HUNK: variants seen among roughly 807,000 people sequenced by gnomAD.
HUNK encodes hormonally up-regulated neu tumor-associated kinase.
A neutral mutation model predicts 61.0 loss-of-function variants in HUNK; 21 were observed. The ratio of observed to expected loss-of-function variants is 0.34; its 90% confidence interval spans 0.24 to 0.50. HUNK has a LOEUF of 0.50. Among genes scored for constraint, HUNK ranks in the 20% least tolerant of loss-of-function variants. The probability of loss-of-function intolerance (pLI) is 0.98; values close to 1 mark genes in which losing one functional copy is unlikely to be tolerated. For synonymous variants in HUNK, 371 were observed against 386.1 expected (o/e 0.96, Z 0.46); for missense variants, 772 against 945.7 (o/e 0.82, Z 2.41).
chr21:31,912,554 T>C (rs1256148368), intron 1 of HUNK, among the ~76,000 whole-genome samples: 1 of 152,038 alleles, frequency 6.6e-6, no homozygotes, highest in Non-Finnish European at 1.5e-5. Context: ...TTCTCTTTTT[T>C]TGTTCGAGAT....
At chr21:31,901,434 G>A (rs2052467118) in intron 1 of HUNK, among the ~76,000 whole-genome samples, 1 of 152,178 alleles carries the variant, frequency 6.6e-6, no homozygotes, top group Non-Finnish European at 1.5e-5. Flanking sequence ...TGCATTGCCA[G>A]GAGTTCTCTG....
intron 3 of HUNK, among the ~76,000 whole-genome samples, chr21:31,944,606 GGGGGAGGGTT>G (rs1284824535): frequency 6.6e-6 from 1 of 152,000 alleles, no homozygotes; most frequent in Non-Finnish European, 1.5e-5. Flanking sequence ...ATGGGGTGTG[GGGGGAGGGTT>G]GGGGAGGGAA....
intron 4 of HUNK, among the ~76,000 whole-genome samples, chr21:31,949,020 C>T (rs1230270241): frequency 1.3e-5 from 2 of 152,208 alleles, no homozygotes; most frequent in Non-Finnish European, 2.9e-5. Context: ...CACCCCTGAA[C>T]CTCAGGACAG....
intron 3 of HUNK, among the ~76,000 whole-genome samples, chr21:31,941,038 G>A (rs1336584148): frequency 6.6e-6 from 1 of 152,178 alleles, no homozygotes. Context: ...TTTGACAAAT[G>A]CTGAAAGTCA....
chr21:31,884,256 C>T (rs1161182321), intron 1 of HUNK, among the ~76,000 whole-genome samples: 1 of 151,908 alleles, frequency 6.6e-6, no homozygotes. Context: ...GGGATTAGTG[C>T]CCTTATAAAA....
intron 10 of HUNK, among the ~76,000 whole-genome samples, chr21:31,997,264 A>G (rs1252184267): frequency 6.6e-6 from 1 of 152,166 alleles, no homozygotes; most frequent in Non-Finnish European, 1.5e-5. Context: ...CAGTTTCCAA[A>G]CCTGGATTCT....
At chr21:31,902,886 C>T (rs1438933068) in intron 1 of HUNK, among the ~76,000 whole-genome samples, 1 of 152,160 alleles carries the variant, frequency 6.6e-6, no homozygotes, top group Non-Finnish European at 1.5e-5. Context: ...TAATTATAAG[C>T]TCTCACACTA....
rs2053231202 is a variant in HUNK at position 31,999,423 on chromosome 21, T to C, written c.*239T>C. On this transcript the variant is annotated 3_prime_UTR_variant, in exon 11 of 11. Transcript: ENST00000270112. The stretch of plus-strand genomic sequence containing the variant: ...CAATTCCTATCATTCAGATCTTCCT[T>C]CCTCCCAAGTACTCACCAACCCCTT... 2 of 491,514 alleles carry C rather than the reference T, an allele frequency of 4.1e-6. No individual in the cohort carries two copies. Among genetic ancestry groups the C allele is most frequent in the South Asian group, 7.4e-5 (2 of 26,878 alleles). 30.4% of individuals were successfully genotyped at this position (491,514 alleles called of 1,614,324 possible).
intron 1 of HUNK, among the ~76,000 whole-genome samples, chr21:31,889,989 A>T (rs1352744467): frequency 2.0e-5 from 3 of 152,150 alleles, no homozygotes; most frequent in Non-Finnish European, 4.4e-5. Context: ...TAAATATTTT[A>T]AAAATAATAT....
Position 31,968,322 on chromosome 21 carries a change from C to A in HUNK, c.947C>A (p.Ala316Glu), listed in dbSNP as rs755514543. Residue 316 changes from alanine (A) to glutamate (E), a missense_variant, in exon 6 of 11, where the codon GCG becomes GAG. By Grantham distance (107) the Ala-to-Glu change is moderately radical (BLOSUM62 -1). Transcript: ENST00000270112. ...AGGCCAAATATTCAGCAGGCACTGG[C>A]GAATCGCTGGCTTAATGAGAATTAC... ...VKRPNIQQAL[A>E]NRWLNENYTG... 6.2e-7 allele frequency: 1 copy of A among 1,614,078 alleles called. No individual in the cohort carries two copies. Among genetic ancestry groups the A allele is most frequent in the African/African-American group, 1.3e-5 (1 of 74,932 alleles).
At chr21:31,964,860 T>C (rs2052952351) in intron 5 of HUNK, among the ~76,000 whole-genome samples, 1 of 152,184 alleles carries the variant, frequency 6.6e-6, no homozygotes, top group Non-Finnish European at 1.5e-5. Context: ...AGTTTGTCCT[T>C]AGCACTTCTG....
intron 3 of HUNK, among the ~76,000 whole-genome samples, chr21:31,943,627 C>T (rs192696894): frequency 8.1e-4 from 123 of 152,324 alleles, no homozygotes; most frequent in African/African-American, 2.8e-3. Context: ...CTCTCTCTTC[C>T]ACCTCCCAGA....
At chr21:31,928,243 G>A (rs9305477) in intron 2 of HUNK, among the ~76,000 whole-genome samples, 20,513 of 152,050 alleles carry the variant, frequency 0.13, 1,953 homozygotes, top group East Asian at 0.33. Context: ...TTTTTCCAAG[G>A]GTTTTGTGCT....
intron 1 of HUNK, among the ~76,000 whole-genome samples, chr21:31,915,141 G>C (rs542442394): frequency 1.2e-4 from 18 of 151,668 alleles, no homozygotes; most frequent in African/African-American, 4.3e-4. Flanking sequence ...TACAGGTGTC[G>C]TGTTGATGCT....
chr21:31,983,461 G>T, intron 7 of HUNK, 65 bp from the exon 8 acceptor site: 3 of 1,284,422 alleles, frequency 2.3e-6, no homozygotes, highest in Middle Eastern at 2.2e-4. Flanking sequence ...AAAAATTAAT[G>T]ACTGCTTAAT....
At chr21:31,977,010 G>T (rs2053054992) in intron 7 of HUNK, among the ~76,000 whole-genome samples, 1 of 151,876 alleles carries the variant, frequency 6.6e-6, no homozygotes, top group African/African-American at 2.4e-5. Flanking sequence ...AGCTCAAGCA[G>T]TCTGCCCACC....
rs138721520 is a variant in HUNK at position 31,995,878 on chromosome 21, G to C, written c.1416G>C (p.Met472Ile). 664 of 1,614,140 alleles carry C rather than the reference G, an allele frequency of 4.1e-4. 2 individuals carry two copies. The African/African-American group carries it at 7.7e-3, about 19-fold the overall frequency. The change falls in exon 10 of 11, where the codon ATG (methionine) becomes ATC (isoleucine). Residue 472 changes from methionine to isoleucine, a missense_variant. Physicochemically the swap from Met to Ile is conservative, Grantham distance 10. Coordinates refer to ENST00000270112, the MANE Select transcript of HUNK (RefSeq NM_014586.2). The part of the protein sequence containing the change: ...PSHKQPSGSL[M>I]TQIQNTKALL... ...ACAAACAGCCCTCAGGCTCGCTTAT[G>C]ACACAGATTCAGAACACCAAAGCCC...
At chr21:31,980,613 GGTC>G (rs1455472354) in intron 7 of HUNK, among the ~76,000 whole-genome samples, 1 of 151,910 alleles carries the variant, frequency 6.6e-6, no homozygotes, top group Non-Finnish European at 1.5e-5. Context: ...TGGCCAGGAT[GGTC>G]TTGATCTCTT....
intron 4 of HUNK, among the ~76,000 whole-genome samples, chr21:31,950,404 G>A (rs1041082104): frequency 2.0e-5 from 3 of 152,174 alleles, no homozygotes; most frequent in Non-Finnish European, 4.4e-5. Flanking sequence ...AAGTCAGGAA[G>A]GCATCTGTAG....
Sources: allele counts gnomAD v4.1 joint callset (sites outside exome capture counted in the v4.1 genomes callset), GRCh38; gene constraint gnomAD v4.1.1; transcripts MANE v1.5; gene names NCBI Gene and HGNC (gene_info 2026-07-23, HGNC 2026-07-21).